The following PSKH1 variants were observed in gnomAD, a reference collection of about 807,000 sequenced individuals.
The protein encoded by PSKH1 is protein serine kinase H1, also known as serine/threonine-protein kinase H1.
Under a neutral mutation model 26.7 loss-of-function variants are expected in PSKH1, and 12 were observed. That is an observed-to-expected ratio of 0.45 (90% CI 0.29 to 0.73). The LOEUF is 0.73. Among genes scored for constraint, PSKH1 ranks in the 30% least tolerant of loss-of-function variants. PSKH1 has a pLI of 0.11. For missense variants in PSKH1, 431 were observed against 595.2 expected (o/e 0.72, Z 2.87); for synonymous variants, 213 against 234.3 (o/e 0.91, Z 0.83).
At position 67,928,331 on chromosome 16, in the gene PSKH1, C is replaced by T. The variant is rs1043778189; in HGVS notation, c.*689C>T. ...TGGACTGTGTGGCCATGCTGGTCAT[C>T]GGCTTGCCCAGGCTCCAGCCTCTCC... On this transcript the variant is annotated 3_prime_UTR_variant, in exon 3 of 3. Transcript: ENST00000291041. This position sits in a 1 kb window ranked among gnomAD's most constrained non-coding sequence, Gnocchi z 4.8. 7 of 152,730 alleles carry T rather than the reference C, an allele frequency of 4.6e-5. No homozygotes were observed. Among genetic ancestry groups the T allele is most frequent in the Non-Finnish European group, 1.0e-4 (7 of 68,158 alleles). The allele number at this position is 152,730 out of a possible 1,614,324, so 9.5% of individuals were successfully genotyped here.
intron 1 of PSKH1, among the ~76,000 whole-genome samples, chr16:67,901,011 C>A (rs1396268156): frequency 6.6e-6 from 1 of 152,136 alleles, no homozygotes. Context: ...TTTCACCTGA[C>A]CACAGTGTGG....
At chr16:67,897,472 GA>G (rs572283883) in intron 1 of PSKH1, among the ~76,000 whole-genome samples, 46 of 152,156 alleles carry the variant, frequency 3.0e-4, no homozygotes, top group Non-Finnish European at 5.7e-4. Flanking sequence ...TGCCAGCCTT[GA>G]AATGGCCTCT....
At chr16:67,893,948 CTGAG>C (rs1208887727) in intron 1 of PSKH1, among the ~76,000 whole-genome samples, 6 of 152,212 alleles carry the variant, frequency 3.9e-5, no homozygotes, top group Admixed American at 2.0e-4. Context: ...ACCTGAAAAT[CTGAG>C]TAAGTCCTTC....
intron 2 of PSKH1, among the ~76,000 whole-genome samples, chr16:67,912,357 C>G (rs2058175671): frequency 6.6e-6 from 1 of 152,204 alleles, no homozygotes; most frequent in Non-Finnish European, 1.5e-5. Context: ...CCAGCATCAT[C>G]ATGGCAAGTG....
chr16:67,927,409 C>A lies in PSKH1; in HGVS notation c.1042C>A (p.Gln348Lys). ...CCCTGGAGCCCGTATGACTGCACTG[C>A]AGGCCCTGAGGCACCCGTGGGTGGT... ...VDPGARMTAL[Q>K]ALRHPWVVSM... Residue 348 changes from glutamine (Q) to lysine (K), a missense_variant, in exon 3 of 3, where the codon CAG becomes AAG. Physicochemically the swap from Gln to Lys is moderately conservative, Grantham distance 53. Coordinates refer to ENST00000291041, the MANE Select transcript of PSKH1 (RefSeq NM_006742.3). This position sits in a 1 kb window ranked among gnomAD's most constrained non-coding sequence, Gnocchi z 5.5. The A allele has an allele frequency of 6.2e-7, 1 of 1,614,232 alleles. No homozygotes were observed. The highest frequency in any genetic ancestry group is 1.1e-5 in the South Asian group (1 of 91,092).
At chr16:67,911,803 G>C (rs2058174179) in intron 2 of PSKH1, among the ~76,000 whole-genome samples, 1 of 152,236 alleles carries the variant, frequency 6.6e-6, no homozygotes, top group African/African-American at 2.4e-5. Flanking sequence ...GTCCATCGGG[G>C]ACTTCCTCCT....
intron 1 of PSKH1, among the ~76,000 whole-genome samples, chr16:67,894,869 TCTC>T (rs1247423360): frequency 6.6e-6 from 1 of 151,710 alleles, no homozygotes; most frequent in African/African-American, 2.4e-5. Context: ...TAGTCCAAAA[TCTC>T]CTGGGATAAT....
intron 1 of PSKH1, among the ~76,000 whole-genome samples, chr16:67,900,858 T>G (rs1162976244): frequency 1.3e-5 from 2 of 152,124 alleles, no homozygotes; most frequent in East Asian, 3.8e-4. Flanking sequence ...TTCCTGAAGC[T>G]TCCTTACTCA....
chr16:67,920,983 TAAAAA>T (rs72275134), intron 2 of PSKH1, among the ~76,000 whole-genome samples: 12 of 139,042 alleles, frequency 8.6e-5, no homozygotes, highest in Admixed American at 1.4e-4. Context: ...GGGAGGAAGT[TAAAAA>T]AAAAAAAAAA....
chr16:67,896,075 T>G (rs1244558446), intron 1 of PSKH1, among the ~76,000 whole-genome samples: 2 of 151,894 alleles, frequency 1.3e-5, no homozygotes, highest in South Asian at 2.1e-4. Flanking sequence ...CTTCCCAGAG[T>G]TTCCCTTGTC....
In PSKH1 at chr16:67,909,708, T is replaced by G. The variant is rs1598189771; in HGVS notation, c.957+2T>G. 6.2e-7 allele frequency: 1 copy of G among 1,608,120 alleles called. No individual in the cohort carries two copies. Among genetic ancestry groups the G allele is most frequent in the Non-Finnish European group, 8.5e-7 (1 of 1,179,070 alleles). ...GGCAAGTACAGTTACTCTGGGGAGG[T>G]GAGTCTGTCCTGCCCCTGTCCTGGA... On this transcript the variant is annotated splice_donor_variant, in intron 2 of 2. Transcript: ENST00000291041. LOFTEE classifies it high-confidence loss of function. The surrounding 1 kb of genome is among the most constrained non-coding windows in gnomAD (Gnocchi z 7.8).
At chr16:67,898,680 G>A (rs1178297244) in intron 1 of PSKH1, among the ~76,000 whole-genome samples, 1 of 148,912 alleles carries the variant, frequency 6.7e-6, no homozygotes, top group Non-Finnish European at 1.5e-5. Context: ...CTGGAGTGCA[G>A]TGGCGCGATC....
At chr16:67,916,766 T>A (rs1384333212) in intron 2 of PSKH1, among the ~76,000 whole-genome samples, 1 of 152,042 alleles carries the variant, frequency 6.6e-6, no homozygotes, top group Non-Finnish European at 1.5e-5. Context: ...ACATGGCATA[T>A]GTAAGCCACA....
intron 2 of PSKH1, among the ~76,000 whole-genome samples, chr16:67,912,338 G>A (rs1306366693): frequency 1.3e-5 from 2 of 152,224 alleles, no homozygotes; most frequent in African/African-American, 2.4e-5. Context: ...AAAGCTTTGG[G>A]TTTGGTTCCC....
At chr16:67,925,565 C>A (rs368214752) in intron 2 of PSKH1, among the ~76,000 whole-genome samples, 1 of 152,096 alleles carries the variant, frequency 6.6e-6, no homozygotes, top group African/African-American at 2.4e-5. Flanking sequence ...TTGCTCTCTG[C>A]GCCCACCCAC....
At chr16:67,898,362 G>A (rs971051788) in intron 1 of PSKH1, among the ~76,000 whole-genome samples, 5 of 151,924 alleles carry the variant, frequency 3.3e-5, no homozygotes, top group African/African-American at 1.2e-4. Flanking sequence ...CCGAGATTGC[G>A]CCACTGCGCT....
intron 2 of PSKH1, among the ~76,000 whole-genome samples, chr16:67,918,148 C>T (rs1435489589): frequency 1.3e-5 from 2 of 152,200 alleles, no homozygotes; most frequent in African/African-American, 4.8e-5. Flanking sequence ...CTGTGATTCA[C>T]TTGACATGAA....
intron 1 of PSKH1, among the ~76,000 whole-genome samples, chr16:67,907,070 T>C (rs1399229641): frequency 1.3e-5 from 2 of 151,634 alleles, no homozygotes; most frequent in East Asian, 3.9e-4. Flanking sequence ...TTCACGCCAT[T>C]CTCCTGCCTC....
At chr16:67,915,040 G>C (rs1457794398) in intron 2 of PSKH1, among the ~76,000 whole-genome samples, 1 of 152,120 alleles carries the variant, frequency 6.6e-6, no homozygotes, top group Non-Finnish European at 1.5e-5. Context: ...ATTACCTGAG[G>C]GTTGGAAAAT....
Sources: gnomAD v4.1 joint callset for allele counts (sites outside exome capture counted in the v4.1 genomes callset) on GRCh38, gnomAD v4.1.1 for gene constraint, Gnocchi (gnomAD v3.1) non-coding constraint, MANE v1.5 for transcripts, NCBI Gene and HGNC (gene_info 2026-07-23, HGNC 2026-07-21) for gene names.